Variants in SMURF2 observed in about 807,000 individuals in gnomAD.
SMURF2 encodes E3 ubiquitin-protein ligase SMURF2.
Under a neutral mutation model 109.6 loss-of-function variants are expected in SMURF2, and 48 were observed. The ratio of observed to expected loss-of-function variants is 0.44; its 90% CI spans 0.35 to 0.56. The LOEUF is 0.56. Among genes scored for constraint, SMURF2 ranks in the 20% least tolerant of loss-of-function variants. The probability of loss-of-function intolerance (pLI) is 0.01; values close to 1 mark genes in which losing one functional copy is unlikely to be tolerated. For synonymous variants in SMURF2, 288 were observed against 317.1 expected (o/e 0.91, Z 0.97); for missense variants, 575 against 909.0 (o/e 0.63, Z 4.72).
rs1465882528 is a variant in SMURF2, at chr17:64,545,735, G to A, written c.*113C>T. On this transcript the variant is annotated 3_prime_UTR_variant, in exon 19 of 19. Coordinates refer to ENST00000262435, the MANE Select transcript of SMURF2 (RefSeq NM_022739.4). Reference sequence around the variant, plus strand: ...AAAATGTAAAAAAAAAAAAAAAAAGGGGGGGGGGGGGAGTGTTTTCCTGTA... The same window carrying A: ...AAAATGTAAAAAAAAAAAAAAAAAGAGGGGGGGGGGGAGTGTTTTCCTGTA... 9.9e-3 allele frequency: 911 copies of A among 91,790 alleles called. 6 individuals are homozygous for A. The African/African-American group carries it at 0.14, about 14-fold the overall frequency. 5.7% of individuals were successfully genotyped at this position (91,790 alleles called of 1,614,324 possible).
intron 1 of SMURF2, among the ~76,000 whole-genome samples, chr17:64,650,938 G>A (rs946850761): frequency 1.7e-4 from 25 of 149,462 alleles, no homozygotes; most frequent in Admixed American, 1.4e-3. Context: ...CTGGCTGGGC[G>A]CGGCGGCTCA....
chr17:64,565,830 C>T (rs73333935), intron 10 of SMURF2, among the ~76,000 whole-genome samples: 277 of 151,854 alleles, frequency 1.8e-3, no homozygotes, highest in African/African-American at 6.4e-3. Context: ...AAGATAGTTA[C>T]TGAGTTACAA....
intron 1 of SMURF2, among the ~76,000 whole-genome samples, chr17:64,649,294 T>C (rs146023402): frequency 2.0e-5 from 3 of 152,242 alleles, no homozygotes; most frequent in Non-Finnish European, 4.4e-5. Context: ...AGTGCAGAAA[T>C]ACCCCCATCT....
intron 1 of SMURF2, among the ~76,000 whole-genome samples, chr17:64,646,957 G>A (rs1555693024): frequency 1.3e-5 from 2 of 152,228 alleles, no homozygotes; most frequent in African/African-American, 4.8e-5. Context: ...AGCCCCCTTA[G>A]AAATACCTAT....
At chr17:64,627,035 T>G (rs975470976) in intron 1 of SMURF2, among the ~76,000 whole-genome samples, 2 of 151,110 alleles carry the variant, frequency 1.3e-5, no homozygotes, top group Non-Finnish European at 2.9e-5. Context: ...GAGGACAAGC[T>G]GATCCTGCCA....
chr17:64,658,809 A>G (rs1970736612), intron 1 of SMURF2, among the ~76,000 whole-genome samples: 4 of 152,360 alleles, frequency 2.6e-5, no homozygotes, highest in African/African-American at 9.6e-5. Context: ...ATCAGATATA[A>G]GTATAATGAT....
intron 10 of SMURF2, 105 bp from the exon 11 acceptor site, chr17:64,563,071 T>A: frequency 1.9e-6 from 2 of 1,051,202 alleles, no homozygotes; most frequent in Non-Finnish European, 2.7e-6. Flanking sequence ...AGCTCTATCA[T>A]TTTCCAAGCC....
intron 3 of SMURF2, among the ~76,000 whole-genome samples, chr17:64,597,219 T>C (rs1969830243): frequency 6.6e-6 from 1 of 151,742 alleles, no homozygotes; most frequent in Non-Finnish European, 1.5e-5. Context: ...GACTGGGCAA[T>C]ATAGCAAGAC....
intron 1 of SMURF2, among the ~76,000 whole-genome samples, chr17:64,633,140 C>T (rs782384442): frequency 8.5e-5 from 13 of 152,050 alleles, no homozygotes; most frequent in Non-Finnish European, 1.3e-4. Flanking sequence ...CGTGGTGGCA[C>T]GCACCTATAG....
chr17:64,578,609 A>T, intron 8 of SMURF2, 33 bp from the exon 9 acceptor site: 2 of 1,437,166 alleles, frequency 1.4e-6, no homozygotes, highest in Non-Finnish European at 9.8e-7. Flanking sequence ...TAACAAAAAC[A>T]TTCAGAGTGT....
intron 1 of SMURF2, among the ~76,000 whole-genome samples, chr17:64,659,532 T>C (rs1970747478): frequency 6.6e-6 from 1 of 151,786 alleles, no homozygotes; most frequent in Non-Finnish European, 1.5e-5. Flanking sequence ...TTTTTTTTTT[T>C]TTTTTAAACA....
intron 3 of SMURF2, among the ~76,000 whole-genome samples, chr17:64,596,051 TTAACA>T (rs1555688064): frequency 1.3e-5 from 2 of 151,852 alleles, no homozygotes; most frequent in Non-Finnish European, 2.9e-5. Flanking sequence ...TTTTTTTTTC[TTAACA>T]TAAAATGAGA....
At chr17:64,637,406 G>T (rs2144717214) in intron 1 of SMURF2, among the ~76,000 whole-genome samples, 1 of 152,172 alleles carries the variant, frequency 6.6e-6, no homozygotes, top group South Asian at 2.1e-4. Flanking sequence ...GATTACAGGT[G>T]TGAGCCACCA....
intron 6 of SMURF2, among the ~76,000 whole-genome samples, chr17:64,585,817 A>G (rs1969643431): frequency 1.3e-5 from 2 of 152,302 alleles, no homozygotes; most frequent in East Asian, 3.9e-4. Flanking sequence ...TTTTAACTAG[A>G]TAATATTTAC....
intron 1 of SMURF2, among the ~76,000 whole-genome samples, chr17:64,645,455 A>C (rs1282981711): frequency 6.6e-6 from 1 of 152,208 alleles, no homozygotes; most frequent in Non-Finnish European, 1.5e-5. Flanking sequence ...CTGGAGGTTG[A>C]GGCAGGAGGA....
In SMURF2 at chr17:64,547,208, T is replaced by G. The variant is rs1209842979; in HGVS notation, c.2071+392A>C. Among the ~76,000 whole-genome samples, 2 of 152,184 alleles carry G rather than the reference T, an allele frequency of 1.3e-5. No homozygotes were observed. Among genetic ancestry groups the G allele is most frequent in the Non-Finnish European group, 2.9e-5 (2 of 68,032 alleles). ...TTCCATGACCCATGCTGCTTCTGTC[T>G]AATAAGAGAAAGAACGAAAAGTAGA... On this transcript the variant is annotated intron_variant, in intron 17 of 18. Coordinates refer to ENST00000262435, the MANE Select transcript of SMURF2 (RefSeq NM_022739.4). The surrounding 1 kb of genome is among the most constrained non-coding windows in gnomAD (Gnocchi z 4.2).
intron 17 of SMURF2, among the ~76,000 whole-genome samples, chr17:64,546,817 T>C (rs1268731560): frequency 6.6e-6 from 1 of 152,314 alleles, no homozygotes; most frequent in East Asian, 1.9e-4. Flanking sequence ...AAATACAACT[T>C]CACTTTATGC....
rs988709777 is a variant in SMURF2 at position 64,581,853 on chromosome 17, G to A, written c.570-862C>T. On this transcript the variant is annotated intron_variant, in intron 7 of 18. Transcript: ENST00000262435. This position sits in a 1 kb window ranked among gnomAD's most constrained non-coding sequence, Gnocchi z 4.3. ...CCAGCTACTCGGGAGGCTGAGGTAC[G>A]AGAATTGCTTGAATCCAGGAGGCAG... is the stretch of plus-strand genomic sequence containing the variant. 3.3e-5 allele frequency among the ~76,000 whole-genome samples: 5 copies of A among 151,824 alleles called. No individual in the cohort carries two copies. Among genetic ancestry groups the A allele is most frequent in the Admixed American group, 6.6e-5 (1 of 15,228 alleles).
intron 1 of SMURF2, among the ~76,000 whole-genome samples, chr17:64,614,479 T>G (rs1970094815): frequency 6.6e-6 from 1 of 152,220 alleles, no homozygotes. Context: ...TAAGTCTGCT[T>G]ATACTACTTC....
Sources: gnomAD v4.1 joint callset for allele counts (sites outside exome capture counted in the v4.1 genomes callset) on GRCh38, gnomAD v4.1.1 for gene constraint, Gnocchi (gnomAD v3.1) non-coding constraint, MANE v1.5 for transcripts, NCBI Gene and HGNC (gene_info 2026-07-23, HGNC 2026-07-21) for gene names.